The following NFATC2 variants were observed in gnomAD, a reference collection of about 807,000 sequenced individuals.
The protein encoded by NFATC2 is nuclear factor of activated T-cells, cytoplasmic 2.
A neutral mutation model predicts 87.3 loss-of-function variants in NFATC2; 22 were observed. The observed-to-expected ratio is 0.25, with a 90% CI of 0.18 to 0.36. NFATC2 has a LOEUF of 0.36. NFATC2 is among the 10% of genes least tolerant of loss of function. NFATC2 has a pLI of 1.00. For synonymous variants in NFATC2, 565 were observed against 542.2 expected (o/e 1.04, Z -0.58); for missense variants, 1,149 against 1,259.1 (o/e 0.91, Z 1.32).
upstream of NFATC2, among the ~76,000 whole-genome samples, chr20:51,547,504 C>T (rs769679212): frequency 6.6e-6 from 1 of 152,162 alleles, no homozygotes; most frequent in Non-Finnish European, 1.5e-5. Context: ...TACCCACCAC[C>T]TACAGCTCTG....
chr20:51,525,816 G>A (rs965328418), intron 1 of NFATC2, among the ~76,000 whole-genome samples: 1 of 151,842 alleles, frequency 6.6e-6, no homozygotes, highest in Admixed American at 6.6e-5. Context: ...TGTTTGTCAC[G>A]CAGCAGCCTT....
rs186097499 is a variant in NFATC2 at position 51,388,694 on chromosome 20, A to G, written c.*2802T>C. The stretch of plus-strand genomic sequence containing the variant: ...GCTATACATATTATCAAGCAGCAGC[A>G]TCTTTGTACAATACAGGAAGACTTG... On this transcript the variant is annotated 3_prime_UTR_variant, in exon 11 of 11. Transcript: ENST00000371564. The G allele has an allele frequency of 6.6e-6, 1 of 152,248 alleles. No individual in the cohort carries two copies. The highest frequency in any genetic ancestry group is 1.5e-5 in the Non-Finnish European group (1 of 68,048). 9.4% of individuals were successfully genotyped at this position (152,248 alleles called of 1,614,324 possible). A position where few individuals can be genotyped will look rare whatever the true frequency, so the allele number is the denominator to read the frequency against.
intron 1 of NFATC2, among the ~76,000 whole-genome samples, chr20:51,551,427 A>G (rs1312962696): frequency 6.6e-6 from 1 of 152,082 alleles, no homozygotes; most frequent in African/African-American, 2.4e-5. Flanking sequence ...TTTTTGAGAC[A>G]GGGTCCCACT....
chr20:51,475,690 G>A (rs775473957), intron 3 of NFATC2, 30 bp from the exon 4 acceptor site: 2 of 1,609,604 alleles, frequency 1.2e-6, no homozygotes, highest in Admixed American at 3.4e-5. Context: ...AATCATTAAG[G>A]TGCGGGGTGT....
At position 51,516,975 on chromosome 20, in the gene NFATC2, C is replaced by G; in HGVS notation, c.1161-20G>C. On this transcript the variant is annotated intron_variant, in intron 2 of 10. Transcript: ENST00000371564. ...GGGATGCTAAAGGAGAAAATAAAATCAGCCATGTGTGCAATAAACCAAAAT... is the reference window on the plus strand; with the variant it reads ...GGGATGCTAAAGGAGAAAATAAAATGAGCCATGTGTGCAATAAACCAAAAT... 1 of 1,593,608 alleles carries G rather than the reference C, an allele frequency of 6.3e-7. No homozygotes were observed.
intron 3 of NFATC2, among the ~76,000 whole-genome samples, chr20:51,497,798 GT>G (rs2076014184): frequency 6.6e-6 from 1 of 152,062 alleles, no homozygotes; most frequent in Non-Finnish European, 1.5e-5. Flanking sequence ...CTGCTGCCTT[GT>G]TCAGAAAGGG....
intron 1 of NFATC2, among the ~76,000 whole-genome samples, chr20:51,530,539 G>A (rs542985406): frequency 6.6e-5 from 10 of 152,232 alleles, no homozygotes; most frequent in South Asian, 2.1e-4. Context: ...CACATACAAC[G>A]TCCTCACTGG....
At position 51,421,073 on chromosome 20, in the gene NFATC2, TAAA is replaced by T. The variant is rs5841842; in HGVS notation, c.2722+10991_2722+10993del. Among the ~76,000 whole-genome samples, 1,347 of 130,404 alleles carry T rather than the reference TAAA, an allele frequency of 0.01. 55 individuals carry two copies. The East Asian group carries it at 0.13, about 12-fold the overall frequency. 85.6% of individuals were successfully genotyped at this position (130,404 alleles called of 152,430 possible). ...GGCAACATAGCAAGACCCTATGTCT[TAAA>T]AAAAAAAAAAAACAAAAAAAACTAA... On this transcript the variant is annotated intron_variant, in intron 9 of 10. Coordinates refer to ENST00000371564, the MANE Select transcript of NFATC2 (RefSeq NM_012340.5).
At chr20:51,466,468 A>G (rs1228077196) in intron 5 of NFATC2, among the ~76,000 whole-genome samples, 1 of 151,746 alleles carries the variant, frequency 6.6e-6, no homozygotes, top group Non-Finnish European at 1.5e-5. Context: ...TGCAAGAAGC[A>G]TCGGGGTCGT....
intron 3 of NFATC2, among the ~76,000 whole-genome samples, chr20:51,478,424 G>T (rs1394952493): frequency 2.0e-5 from 3 of 152,156 alleles, no homozygotes; most frequent in Non-Finnish European, 2.9e-5. Context: ...CCTCCTCAAT[G>T]AAAGAAGAGC....
At chr20:51,509,926 T>C (rs960521411) in intron 3 of NFATC2, among the ~76,000 whole-genome samples, 1 of 152,250 alleles carries the variant, frequency 6.6e-6, no homozygotes, top group African/African-American at 2.4e-5. Flanking sequence ...CTCACCTCCC[T>C]GCAAAGCTCA....
At chr20:51,397,735 C>G (rs1987394057) in intron 10 of NFATC2, among the ~76,000 whole-genome samples, 1 of 152,166 alleles carries the variant, frequency 6.6e-6, no homozygotes, top group African/African-American at 2.4e-5. Flanking sequence ...AGGGGTTCAT[C>G]TCAGCAGGCC....
chr20:51,440,745 C>A (rs1984214705), intron 6 of NFATC2, among the ~76,000 whole-genome samples: 1 of 152,212 alleles, frequency 6.6e-6, no homozygotes, highest in African/African-American at 2.4e-5. Context: ...AAGTCCCCAA[C>A]AGGAAGTGAA....
intron 3 of NFATC2, among the ~76,000 whole-genome samples, chr20:51,514,645 G>T (rs1046129374): frequency 2.6e-5 from 4 of 152,248 alleles, no homozygotes; most frequent in African/African-American, 9.6e-5. Context: ...GGCCGAGGTG[G>T]GTGGATCACT....
At chr20:51,561,356 A>C (rs1472807927) in intron 1 of NFATC2, among the ~76,000 whole-genome samples, 1 of 149,210 alleles carries the variant, frequency 6.7e-6, no homozygotes, top group Non-Finnish European at 1.5e-5. Context: ...AGAGAGAGAA[A>C]GAAAAGAAAG....
intron 3 of NFATC2, among the ~76,000 whole-genome samples, chr20:51,508,517 C>T (rs1263215298): frequency 2.0e-5 from 3 of 152,040 alleles, no homozygotes; most frequent in Non-Finnish European, 4.4e-5. Context: ...CTGGTATAGA[C>T]AAGGAGGAGG....
Position 51,526,085 on chromosome 20 carries a change from C to T in NFATC2, c.131-1975G>A, listed in dbSNP as rs149751848. ...TTCCCCTGGTTCCTTCCTGCATCTG[C>T]TCAGCCCGCACCTCCTGAGATCGAC... On this transcript the variant is annotated intron_variant, in intron 1 of 10. Coordinates refer to ENST00000371564, the MANE Select transcript of NFATC2 (RefSeq NM_012340.5). Among the ~76,000 whole-genome samples, 198 of 152,176 alleles carry T rather than the reference C, an allele frequency of 1.3e-3. No homozygotes were observed. The Middle Eastern group carries it at 0.017, about 13-fold the overall frequency.
intron 9 of NFATC2, 79 bp downstream of exon 9, chr20:51,431,988 G>T: frequency 7.2e-7 from 1 of 1,397,444 alleles, no homozygotes; most frequent in Non-Finnish European, 9.6e-7. Context: ...GGAATCCGTA[G>T]GCCATGCAGT....
intron 5 of NFATC2, among the ~76,000 whole-genome samples, chr20:51,458,849 C>A (rs2146449909): frequency 6.6e-6 from 1 of 152,174 alleles, no homozygotes; most frequent in African/African-American, 2.4e-5. Flanking sequence ...TACAAGAGGC[C>A]ACAGCCAGGT....
Sources: gnomAD v4.1 joint callset for allele counts (sites outside exome capture counted in the v4.1 genomes callset) on GRCh38, gnomAD v4.1.1 for gene constraint, MANE v1.5 for transcripts, NCBI Gene and HGNC (gene_info 2026-07-23, HGNC 2026-07-21) for gene names.